Variants in MYH4 observed in about 807,000 individuals in gnomAD.
MYH4 encodes the protein myosin-4.
Under a neutral mutation model 229.9 loss-of-function variants are expected in MYH4, and 200 were observed. The ratio of observed to expected loss-of-function variants is 0.87; its 90% CI spans 0.78 to 0.98. The LOEUF is 0.98. MYH4 is among the 50% of genes least tolerant of loss of function. The pLI is 0.00. For missense variants in MYH4, 2,148 were observed against 2,332.6 expected (o/e 0.92, Z 1.63); for synonymous variants, 761 against 834.6 (o/e 0.91, Z 1.52).
chr17:10,458,858 C>A (rs2142224653), intron 15 of MYH4, among the ~76,000 whole-genome samples: 1 of 152,262 alleles, frequency 6.6e-6, no homozygotes, highest in African/African-American at 2.4e-5. Context: ...GACGTGTTGA[C>A]ATAGCCTGCC....
rs755203880 is a variant in MYH4, at chr17:10,459,323, C to T, written c.1515G>A (p.Lys505=). The change falls in exon 15 of 40, where the codon AAG becomes AAA. Residue 505 remains lysine, a synonymous_variant. Transcript: ENST00000255381. ...HMFVLEQEEY[K]KEGIEWEFID... ...TGAACTCCCACTCGATGCCTTCCTTCTTGTACTCTTCCTGCTCCAGCACGA... is the reference window on the plus strand; with the variant it reads ...TGAACTCCCACTCGATGCCTTCCTTTTTGTACTCTTCCTGCTCCAGCACGA... 5.0e-6 allele frequency: 8 copies of T among 1,614,022 alleles called. No individual in the cohort carries two copies. The East Asian group carries it at 1.3e-4, about 27-fold the overall frequency.
chr17:10,457,578 A>T lies in MYH4; in HGVS notation c.1739T>A (p.Phe580Tyr), dbSNP rs764871122. The T allele has an allele frequency of 6.2e-7, 1 of 1,614,132 alleles. No individual in the cohort carries two copies. Residue 580 changes from phenylalanine to tyrosine, a missense_variant, in exon 16 of 40, where the codon TTC (phenylalanine) becomes TAC (tyrosine). Physicochemically the swap from Phe to Tyr is conservative, Grantham distance 22. Coordinates refer to ENST00000255381, the MANE Select transcript of MYH4 (RefSeq NM_017533.2). ...KPAKGKPEAH[F>Y]SLVHYAGTVD... is the part of the protein sequence containing the mutation. ...GGTGCCGGCATAGTGCACCAGTGAG[A>T]AGTGAGCCTCAGGCTTGCCTTTGGC... is the stretch of plus-strand genomic sequence containing the variant.
At chr17:10,464,064 G>A (rs1160993146) in intron 7 of MYH4, among the ~76,000 whole-genome samples, 1 of 152,106 alleles carries the variant, frequency 6.6e-6, no homozygotes, top group East Asian at 1.9e-4. Flanking sequence ...TTGTACATGG[G>A]TATATTGCAT....
chr17:10,459,468 A>T, intron 14 of MYH4, 47 bp from the exon 15 acceptor site: 2 of 1,614,070 alleles, frequency 1.2e-6, no homozygotes, highest in East Asian at 4.5e-5. Context: ...CAAGTATTCT[A>T]TCTACAGAGT....
chr17:10,461,678 G>T (rs796101998), intron 11 of MYH4, among the ~76,000 whole-genome samples: 6 of 152,076 alleles, frequency 3.9e-5, no homozygotes, highest in African/African-American at 7.2e-5. Flanking sequence ...CTCATGCAGA[G>T]AAGAGACATT....
At position 10,445,292 on chromosome 17, in the gene MYH4, T is replaced by C. The variant is rs2072499433; in HGVS notation, c.5240A>G (p.Asp1747Gly). 1 of 1,614,074 alleles carries C rather than the reference T, an allele frequency of 6.2e-7. No individual in the cohort carries two copies. Among genetic ancestry groups the C allele is most frequent in the Non-Finnish European group, 8.5e-7 (1 of 1,180,034 alleles). Residue 1747 changes from aspartate (D) to glycine (G), a missense_variant, in exon 36 of 40, where the codon GAC becomes GGC. Asp to Gly is a moderately conservative substitution (Grantham distance 94, BLOSUM62 -1). Transcript: ENST00000255381. ...TGCATTGCGGGCTTCCTGGACGATG[T>C]CCTCCATCTCTCCCTGGATTTGGGA... ...DISQIQGEMEDIVQEARNAEE... is the reference protein window; with the variant it reads ...DISQIQGEMEGIVQEARNAEE...
rs986257571 is a variant in MYH4, at chr17:10,448,867, G to T, written c.4362C>A (p.Asp1454Glu). 2 of 1,614,008 alleles carry T rather than the reference G, an allele frequency of 1.2e-6. No individual in the cohort carries two copies. The change falls in exon 31 of 40, where the codon GAC becomes GAA. Residue 1454 changes from aspartate (D) to glutamate (E), a missense_variant. Transcript: ENST00000255381. ...GGGAGCTGGTACTGTGGACCACCTT[G>T]TCAAAGTTTCTTTGCTTCTTATCGA... ...IALDKKQRNFDKVLAEWKQKY... is the reference protein window; with the variant it reads ...IALDKKQRNFEKVLAEWKQKY...
intron 5 of MYH4, 35 bp downstream of exon 5, chr17:10,465,407 T>C (rs2072750809): frequency 6.2e-7 from 1 of 1,610,286 alleles, no homozygotes; most frequent in Non-Finnish European, 8.5e-7. Context: ...ACAACTATTT[T>C]ACAAATGGCT....
chr17:10,452,579 CT>C, intron 25 of MYH4, 73 bp from the exon 26 acceptor site: 2 of 1,450,354 alleles, frequency 1.4e-6, no homozygotes, highest in Non-Finnish European at 9.5e-7. Context: ...TAATCTAAGA[CT>C]TTTTTTATAC....
At position 10,452,325 on chromosome 17, in the gene MYH4, G is replaced by A; in HGVS notation, c.3354C>T (p.Arg1118=). 1 of 1,614,100 alleles carries A rather than the reference G, an allele frequency of 6.2e-7. No individual in the cohort carries two copies. The highest frequency in any genetic ancestry group is 1.1e-5 in the South Asian group (1 of 91,086). ...CGATTTCCTCCTCCAGCTCCTCAAT[G>A]CGGGCCTGGTTGTGATATGTCAACA... ...LQKKIKELQA[R]IEELEEEIEA... Residue 1118 remains arginine, a synonymous_variant, in exon 27 of 40, where the codon CGC becomes CGT. Coordinates refer to ENST00000255381, the MANE Select transcript of MYH4 (RefSeq NM_017533.2).
intron 17 of MYH4, 45 bp from the exon 18 acceptor site, chr17:10,455,946 C>T (rs373287598): frequency 5.0e-6 from 8 of 1,608,344 alleles, no homozygotes; most frequent in South Asian, 2.2e-5. Flanking sequence ...CTAGTTGCAT[C>T]GACATGAGAG....
Position 10,460,848 on chromosome 17 carries a change from G to A in MYH4, c.1147+68C>T, listed in dbSNP as rs147133815. The A allele has an allele frequency of 2.0e-5, 31 of 1,555,470 alleles. No homozygotes were observed. The Admixed American group carries it at 3.5e-4, about 18-fold the overall frequency. ...GCTAGGTCAGAGAAAGTAAAAACACGGTCCCTGCCTCTGAAAAGTTCACTA... is the reference window on the plus strand; with the variant it reads ...GCTAGGTCAGAGAAAGTAAAAACACAGTCCCTGCCTCTGAAAAGTTCACTA... On this transcript the variant is annotated intron_variant, in intron 12 of 39. Transcript: ENST00000255381.
chr17:10,444,536 T>G (rs951830790), intron 39 of MYH4, 68 bp downstream of exon 39: 5 of 1,218,880 alleles, frequency 4.1e-6, no homozygotes, highest in Non-Finnish European at 5.9e-6. Flanking sequence ...CTAAATTCTA[T>G]AAACTTTAGG....
In MYH4 at chr17:10,462,896, A is replaced by G. The variant is rs1439408309; in HGVS notation, c.977T>C (p.Ile326Thr). 6.2e-7 allele frequency: 1 copy of G among 1,614,084 alleles called. No individual in the cohort carries two copies. ...VSQGEITVPS[I>T]DDQEELMATD... The stretch of plus-strand genomic sequence containing the variant: ...GGCCATCAGCTCTTCCTGGTCATCA[A>G]TGCTGGGCACAGTAATTTCCCCTTG... Residue 326 changes from isoleucine (I) to threonine (T), a missense_variant, in exon 11 of 40, where the codon ATT (isoleucine) becomes ACT (threonine). Physicochemically the swap from Ile to Thr is moderately conservative, Grantham distance 89. Coordinates refer to ENST00000255381, the MANE Select transcript of MYH4 (RefSeq NM_017533.2).
intron 15 of MYH4, among the ~76,000 whole-genome samples, chr17:10,458,562 C>G (rs2072666267): frequency 6.6e-6 from 1 of 152,166 alleles, no homozygotes; most frequent in South Asian, 2.1e-4. Context: ...TGCATTTACG[C>G]TTCCTTTCCC....
rs370051034 is a variant in MYH4, at chr17:10,460,134, T to C, written c.1267-33A>G. 1.1e-5 allele frequency: 18 copies of C among 1,613,958 alleles called. No individual in the cohort carries two copies. In the African/African-American group the frequency reaches 2.4e-4, roughly 22 times the overall value. Reference sequence around the variant, plus strand: ...AGAAGTGATAGTTTAGTTTTTTAAATTGAAAACAGTGATGAACTCCTGAGT... The same window carrying C: ...AGAAGTGATAGTTTAGTTTTTTAAACTGAAAACAGTGATGAACTCCTGAGT... On this transcript the variant is annotated intron_variant, in intron 13 of 39. Transcript: ENST00000255381.
rs372263144 is a variant in MYH4, at chr17:10,454,723, C to T, written c.2523G>A (p.Lys841=). ...WPWMKLYFKI[K]PLLKSAETEK... ...CTGTCTCTGCACTCTTGAGGAGGGG[C>T]TTGATCTTGAAATACAGCTTCATCC... is the stretch of plus-strand genomic sequence containing the variant. Residue 841 remains lysine, a synonymous_variant, in exon 22 of 40, where the codon AAG becomes AAA. Coordinates refer to ENST00000255381, the MANE Select transcript of MYH4 (RefSeq NM_017533.2). The T allele has an allele frequency of 1.9e-6, 3 of 1,614,028 alleles. No homozygotes were observed. Among genetic ancestry groups the T allele is most frequent in the African/African-American group, 2.7e-5 (2 of 74,910 alleles).
At chr17:10,444,314 G>A (rs895130029) in intron 39 of MYH4, among the ~76,000 whole-genome samples, 16 of 152,192 alleles carry the variant, frequency 1.1e-4, no homozygotes, top group Non-Finnish European at 4.4e-5. Context: ...GTCCATATGA[G>A]TGCTGGGGGT....
In MYH4 at chr17:10,457,713, G is replaced by A; in HGVS notation, c.1604C>T (p.Ser535Phe). The A allele has an allele frequency of 1.2e-6, 2 of 1,613,916 alleles. No individual in the cohort carries two copies. Among genetic ancestry groups the A allele is most frequent in the Non-Finnish European group, 1.7e-6 (2 of 1,179,824 alleles). ...GAACATGCACTCCTCTTCTAGGATGGAGAAGATGCCCATAGGCTAAGAATA... is the reference window on the plus strand; with the variant it reads ...GAACATGCACTCCTCTTCTAGGATGAAGAAGATGCCCATAGGCTAAGAATA... ...ELIEKPMGIF[S>F]ILEEECMFPK... Residue 535 changes from serine (S) to phenylalanine (F), a missense_variant, in exon 16 of 40, where the codon TCC becomes TTC. Physicochemically the swap from Ser to Phe is radical, Grantham distance 155 (BLOSUM62 -2). Transcript: ENST00000255381.
Sources: allele counts gnomAD v4.1 joint callset (sites outside exome capture counted in the v4.1 genomes callset), GRCh38; gene constraint gnomAD v4.1.1; transcripts MANE v1.5; gene names NCBI Gene and HGNC (gene_info 2026-07-23, HGNC 2026-07-21).